The following PHLPP1 variants were observed in gnomAD, a reference collection of about 807,000 sequenced individuals.
PHLPP1 encodes the protein PH domain leucine-rich repeat-containing protein phosphatase 1.
PHLPP1 carries 42 observed loss-of-function variants against 117.2 expected under a neutral mutation model. That is an observed-to-expected ratio of 0.36 (90% CI 0.28 to 0.46). The LOEUF is 0.46. PHLPP1 is among the 20% of genes least tolerant of loss of function. The pLI, the probability that PHLPP1 is intolerant of heterozygous loss-of-function variation, is 1.00. For synonymous variants in PHLPP1, 1,042 were observed against 970.7 expected (o/e 1.07, Z -1.37); for missense variants, 2,084 against 2,241.9 (o/e 0.93, Z 1.42).
chr18:62,722,782 C>G (rs1008689418), intron 1 of PHLPP1, among the ~76,000 whole-genome samples: 2 of 152,076 alleles, frequency 1.3e-5, no homozygotes, highest in African/African-American at 4.8e-5. Context: ...AATTGAAACT[C>G]AAGTACTTAG....
chr18:62,956,833 T>C (rs1910624926), intron 12 of PHLPP1, among the ~76,000 whole-genome samples: 1 of 152,180 alleles, frequency 6.6e-6, no homozygotes, highest in African/African-American at 2.4e-5. Flanking sequence ...TGTGAGAGCA[T>C]TGTGTTGTTT....
chr18:62,916,556 C>T (rs900542633), intron 9 of PHLPP1, among the ~76,000 whole-genome samples: 2 of 151,292 alleles, frequency 1.3e-5, no homozygotes, highest in African/African-American at 2.4e-5. Context: ...ATTATGTTGA[C>T]TGAGCATTCA....
intron 10 of PHLPP1, 42 bp from the exon 11 acceptor site, chr18:62,941,676 T>C: frequency 1.3e-6 from 2 of 1,487,794 alleles, no homozygotes; most frequent in South Asian, 1.2e-5. Context: ...TGAGGGTTTT[T>C]GTGACTTTTC....
rs1489820559 is a variant in PHLPP1 at position 62,716,443 on chromosome 18, G to A, written c.760G>A (p.Ala254Thr). Residue 254 changes from alanine to threonine, a missense_variant, in exon 1 of 17, where the codon GCC becomes ACC. Ala to Thr is a moderately conservative substitution (Grantham distance 58). This residue lies in a region of PHLPP1 where 719 missense variants were observed against 636.0 expected (regional missense o/e 1.13). Coordinates refer to ENST00000262719, the MANE Select transcript of PHLPP1 (RefSeq NM_194449.4). This position sits in a 1 kb window ranked among gnomAD's most constrained non-coding sequence, Gnocchi z 5.7. Reference sequence around the variant, plus strand: ...GAAGGTGCTGGGCCAGGGGCCCGGAGCCGCCGCCGCCCGGGAGCCCGCTGA... The same window carrying A: ...GAAGGTGCTGGGCCAGGGGCCCGGAACCGCCGCCGCCCGGGAGCCCGCTGA... The part of the protein sequence containing the change: ...VVKVLGQGPG[A>T]AAAREPAEPP... 3.8e-6 allele frequency: 5 copies of A among 1,314,040 alleles called. No individual in the cohort carries two copies. Among genetic ancestry groups the A allele is most frequent in the Non-Finnish European group, 4.8e-6 (5 of 1,034,996 alleles). The allele number at this position is 1,314,040 out of a possible 1,614,324, so 81.4% of individuals were successfully genotyped here.
chr18:62,792,530 C>G (rs1194970022), intron 1 of PHLPP1, among the ~76,000 whole-genome samples: 3 of 152,140 alleles, frequency 2.0e-5, no homozygotes, highest in Non-Finnish European at 4.4e-5. Context: ...CTGATGACTT[C>G]TTTGTTTCTC....
chr18:62,734,140 A>T (rs895055057), intron 1 of PHLPP1, among the ~76,000 whole-genome samples: 8 of 152,034 alleles, frequency 5.3e-5, no homozygotes, highest in African/African-American at 1.9e-4. Flanking sequence ...AAGGCCTATG[A>T]GGTTTTATTT....
intron 4 of PHLPP1, among the ~76,000 whole-genome samples, chr18:62,882,551 G>A (rs949794529): frequency 3.3e-5 from 5 of 152,028 alleles, no homozygotes; most frequent in African/African-American, 7.2e-5. Flanking sequence ...GAGCCACCGC[G>A]CCCGGCCATT....
At chr18:62,974,510 C>T (rs1372694603) in intron 15 of PHLPP1, among the ~76,000 whole-genome samples, 1 of 152,132 alleles carries the variant, frequency 6.6e-6, no homozygotes, top group Non-Finnish European at 1.5e-5. Flanking sequence ...AACTTTCTTG[C>T]TCCTGTACCA....
In PHLPP1 at chr18:62,976,729, TG is replaced by T. The variant is rs1280201725; in HGVS notation, c.3984+1105del. The stretch of plus-strand genomic sequence containing the variant: ...CTTTCTTAAGGCCCTCATCAAAGCC[TG>T]TGTGGAGTCAGTCTTTTTTCTCTAC... On this transcript the variant is annotated intron_variant, in intron 16 of 16. Transcript: ENST00000262719. Among the ~76,000 whole-genome samples, 9 of 152,338 alleles carry T rather than the reference TG, an allele frequency of 5.9e-5. No individual in the cohort carries two copies. The East Asian group carries it at 1.5e-3, about 26-fold the overall frequency.
intron 1 of PHLPP1, chr18:62,825,564 A>C (rs1568129178): frequency 6.6e-6 from 1 of 151,498 alleles, no homozygotes; most frequent in Non-Finnish European, 1.5e-5. Flanking sequence ...GGGCTCAAGC[A>C]GACTTCTCAC....
At position 62,720,912 on chromosome 18, in the gene PHLPP1, A is replaced by G. The variant is rs1466959908; in HGVS notation, c.1576+3653A>G. On this transcript the variant is annotated intron_variant, in intron 1 of 16. Coordinates refer to ENST00000262719, the MANE Select transcript of PHLPP1 (RefSeq NM_194449.4). ...CAGTGTTAAGGAGGAGTCAGTGGCA[A>G]TCCTCTTTTCAGATGGAGAAACTGA... Among the ~76,000 whole-genome samples, 2 of 152,122 alleles carry G rather than the reference A, an allele frequency of 1.3e-5. 1 individual carries two copies. The highest frequency in any genetic ancestry group is 6.3e-3 in the Middle Eastern group (2 of 316).
intron 2 of PHLPP1, among the ~76,000 whole-genome samples, chr18:62,836,230 T>C (rs1246407771): frequency 6.6e-6 from 1 of 150,668 alleles, no homozygotes; most frequent in East Asian, 2.0e-4. Context: ...GGTCAGGAGT[T>C]CAAGACCAGA....
chr18:62,870,361 T>C (rs1000535135), intron 4 of PHLPP1, among the ~76,000 whole-genome samples: 1 of 152,226 alleles, frequency 6.6e-6, no homozygotes, highest in African/African-American at 2.4e-5. Flanking sequence ...GAATTAAATG[T>C]ATAATGTGTA....
intron 1 of PHLPP1, among the ~76,000 whole-genome samples, chr18:62,762,447 A>G (rs867422163): frequency 7.1e-6 from 1 of 141,622 alleles, no homozygotes; most frequent in African/African-American, 2.6e-5. Flanking sequence ...AAGGTCTCAC[A>G]GTTTCACCCA....
At chr18:62,821,332 A>T (rs143395516) in intron 1 of PHLPP1, among the ~76,000 whole-genome samples, 2 of 152,036 alleles carry the variant, frequency 1.3e-5, no homozygotes, top group African/African-American at 4.8e-5. Context: ...TAAATGAAAC[A>T]AAAATAACAG....
intron 1 of PHLPP1, among the ~76,000 whole-genome samples, chr18:62,718,841 A>G (rs545624162): frequency 9.2e-5 from 14 of 152,340 alleles, no homozygotes; most frequent in Middle Eastern, 3.4e-3. Context: ...GAGTTTGCTT[A>G]TGATTGGATA....
chr18:62,954,299 C>G (rs761216620), intron 12 of PHLPP1, among the ~76,000 whole-genome samples: 3 of 152,082 alleles, frequency 2.0e-5, no homozygotes, highest in Non-Finnish European at 4.4e-5. Flanking sequence ...AGATAATTTT[C>G]TTTTAGTCGT....
At chr18:62,825,897 CTA>C (rs1313319641) in intron 1 of PHLPP1, among the ~76,000 whole-genome samples, 3 of 152,124 alleles carry the variant, frequency 2.0e-5, no homozygotes, top group African/African-American at 7.2e-5. Flanking sequence ...GATAGGTAAA[CTA>C]TGTGAAAGAA....
rs143269831 is a variant in PHLPP1, at chr18:62,865,407, A to G, written c.2066+4806A>G. Among the ~76,000 whole-genome samples the G allele has an allele frequency of 1.1e-3, 163 of 152,292 alleles. 2 individuals are homozygous for G. Among genetic ancestry groups the G allele is most frequent in the African/African-American group, 3.7e-3 (155 of 41,548 alleles). On this transcript the variant is annotated intron_variant, in intron 4 of 16. Transcript: ENST00000262719. Reference sequence around the variant, plus strand: ...TTTTTCTTTTTGGCTGAAAGGTTATAATCATTATTATCATTTTGTTTGTTT... The same window carrying G: ...TTTTTCTTTTTGGCTGAAAGGTTATGATCATTATTATCATTTTGTTTGTTT...
Sources: allele counts gnomAD v4.1 joint callset (sites outside exome capture counted in the v4.1 genomes callset), GRCh38; gene constraint gnomAD v4.1.1; regional missense constraint gnomAD v4.1.1; non-coding constraint Gnocchi (gnomAD v3.1); transcripts MANE v1.5; gene names NCBI Gene and HGNC (gene_info 2026-07-23, HGNC 2026-07-21).